Variants in COMMD1 observed in about 807,000 individuals in gnomAD.
COMMD1 encodes the protein COMM domain-containing protein 1.
In COMMD1, 10 loss-of-function variants were observed where a neutral mutation model predicts 17.2. The observed-to-expected ratio is 0.58, with a 90% CI of 0.36 to 0.99. The LOEUF (loss-of-function observed/expected upper bound fraction) is 0.99. COMMD1 is among the 50% of genes least tolerant of loss of function. COMMD1 has a pLI of 0.01. For synonymous variants in COMMD1, 97 were observed against 91.6 expected (o/e 1.06, Z -0.34); for missense variants, 270 against 231.8 (o/e 1.17, Z -1.07).
chr2:61,913,929 T>C (rs1310404523), intron 1 of COMMD1, among the ~76,000 whole-genome samples: 2 of 152,036 alleles, frequency 1.3e-5, no homozygotes, highest in African/African-American at 4.8e-5. Context: ...CCCAGCACTT[T>C]GGGAGGCTGA....
chr2:61,932,860 G>A (rs192083088), intron 1 of COMMD1, among the ~76,000 whole-genome samples: 59 of 152,308 alleles, frequency 3.9e-4, no homozygotes, highest in Middle Eastern at 3.4e-3. Context: ...GCATCCAAGC[G>A]TGTTACAACC....
At chr2:61,931,787 A>G (rs1443042341) in intron 1 of COMMD1, among the ~76,000 whole-genome samples, 3 of 152,224 alleles carry the variant, frequency 2.0e-5, no homozygotes, top group Non-Finnish European at 4.4e-5. Context: ...ATTATGGTAT[A>G]TCAGTAAGGA....
At chr2:61,992,043 G>T (rs1053585314) in intron 1 of COMMD1, among the ~76,000 whole-genome samples, 2 of 152,110 alleles carry the variant, frequency 1.3e-5, no homozygotes, top group African/African-American at 4.8e-5. Flanking sequence ...AACATGATTT[G>T]AAATATATAT....
At chr2:61,959,680 C>G (rs1056276470) in intron 1 of COMMD1, among the ~76,000 whole-genome samples, 2 of 152,156 alleles carry the variant, frequency 1.3e-5, no homozygotes, top group Admixed American at 1.3e-4. Context: ...TATTTTGAAT[C>G]TGGAAACTCA....
intron 1 of COMMD1, among the ~76,000 whole-genome samples, chr2:61,938,423 G>A (rs766315678): frequency 2.6e-5 from 4 of 152,136 alleles, no homozygotes; most frequent in Non-Finnish European, 5.9e-5. Flanking sequence ...AGCCCTGGGC[G>A]TGTGGAAAGT....
chr2:61,927,468 C>G (rs1670356234), intron 1 of COMMD1, among the ~76,000 whole-genome samples: 1 of 150,000 alleles, frequency 6.7e-6, no homozygotes, highest in South Asian at 2.1e-4. Context: ...TGTCAGCTCA[C>G]TGCACACTCC....
At chr2:61,910,379 C>G (rs1669874345) in intron 1 of COMMD1, among the ~76,000 whole-genome samples, 1 of 151,790 alleles carries the variant, frequency 6.6e-6, no homozygotes, top group Non-Finnish European at 1.5e-5. Flanking sequence ...TCCTGAGTAG[C>G]TGGGATTACA....
chr2:62,056,417 A>G (rs1293473780), intron 2 of COMMD1, among the ~76,000 whole-genome samples: 1 of 152,220 alleles, frequency 6.6e-6, no homozygotes, highest in African/African-American at 2.4e-5. Flanking sequence ...TCTTTTAGAA[A>G]AACAGTCACC....
intron 2 of COMMD1, among the ~76,000 whole-genome samples, chr2:62,119,782 T>C (rs1344125620): frequency 6.6e-6 from 1 of 152,192 alleles, no homozygotes; most frequent in Non-Finnish European, 1.5e-5. Flanking sequence ...CCACTTCTGC[T>C]TTCCTCCTCT....
chr2:62,020,554 A>C (rs752217368), intron 2 of COMMD1, among the ~76,000 whole-genome samples: 1 of 152,204 alleles, frequency 6.6e-6, no homozygotes, highest in African/African-American at 2.4e-5. Context: ...TGTTTCTGCC[A>C]ATATAACTTT....
At chr2:62,122,934 C>T (rs753317690) in intron 2 of COMMD1, among the ~76,000 whole-genome samples, 1 of 152,194 alleles carries the variant, frequency 6.6e-6, no homozygotes, top group African/African-American at 2.4e-5. Context: ...GGAACCACAG[C>T]AGTAGGAGGG....
intron 1 of COMMD1, among the ~76,000 whole-genome samples, chr2:61,941,237 A>T (rs1189966482): frequency 6.6e-6 from 1 of 151,734 alleles, no homozygotes; most frequent in Admixed American, 6.6e-5. Flanking sequence ...CACGTTGGCC[A>T]GGCTGGTCTT....
chr2:61,983,412 A>G (rs558087464), intron 1 of COMMD1, among the ~76,000 whole-genome samples: 54 of 152,214 alleles, frequency 3.5e-4, no homozygotes, highest in East Asian at 1.4e-3. Flanking sequence ...GATGGTGTCA[A>G]TCTCCTTGAC....
At chr2:62,131,067 T>C (rs1313029110) in intron 2 of COMMD1, among the ~76,000 whole-genome samples, 1 of 152,192 alleles carries the variant, frequency 6.6e-6, no homozygotes, top group Admixed American at 6.5e-5. Flanking sequence ...GCTCGGTTTT[T>C]TTGTTGGTTT....
At chr2:62,133,429 CTTCTTAGG>C (rs1374346098) in intron 2 of COMMD1, among the ~76,000 whole-genome samples, 9 of 151,868 alleles carry the variant, frequency 5.9e-5, no homozygotes, top group Admixed American at 5.3e-4. Flanking sequence ...TTTTCTCTGC[CTTCTTAGG>C]TTCATGTATA....
intron 2 of COMMD1, among the ~76,000 whole-genome samples, chr2:62,086,823 A>T (rs545342946): frequency 6.2e-4 from 94 of 152,184 alleles, no homozygotes; most frequent in Non-Finnish European, 8.5e-4. Flanking sequence ...GCAAAACAGC[A>T]ATATAATATT....
At chr2:62,037,574 A>T (rs1670075412) in intron 2 of COMMD1, among the ~76,000 whole-genome samples, 1 of 152,120 alleles carries the variant, frequency 6.6e-6, no homozygotes, top group South Asian at 2.1e-4. Context: ...AACTTTATGG[A>T]TTTCCTTGGG....
intron 2 of COMMD1, among the ~76,000 whole-genome samples, chr2:62,121,012 G>A (rs1019372722): frequency 1.3e-5 from 2 of 151,862 alleles, no homozygotes; most frequent in African/African-American, 4.8e-5. Flanking sequence ...CCAAAGTGCT[G>A]AGATTACAGA....
At chr2:62,090,058 G>C (rs1671783035) in intron 2 of COMMD1, among the ~76,000 whole-genome samples, 1 of 152,084 alleles carries the variant, frequency 6.6e-6, no homozygotes, top group Admixed American at 6.6e-5. Flanking sequence ...AATAGTTTAA[G>C]GGGTGAGATG....
Sources: allele counts gnomAD v4.1 joint callset (sites outside exome capture counted in the v4.1 genomes callset), GRCh38; gene constraint gnomAD v4.1.1; transcripts MANE v1.5; gene names NCBI Gene and HGNC (gene_info 2026-07-23, HGNC 2026-07-21).